Variants in ARMH3 observed in about 807,000 individuals in gnomAD.
ARMH3 encodes the protein armadillo-like helical domain-containing protein 3.
Under a neutral mutation model 99.1 loss-of-function variants are expected in ARMH3, and 60 were observed. The observed-to-expected ratio is 0.61, with a 90% CI of 0.49 to 0.75. The LOEUF is 0.75. ARMH3 is among the 30% of genes least tolerant of loss of function. The pLI is 0.00. For synonymous variants in ARMH3, 285 were observed against 292.8 expected (o/e 0.97, Z 0.27); for missense variants, 679 against 843.1 (o/e 0.81, Z 2.41).
chr10:102,002,136 A>G, intron 14 of ARMH3, 64 bp from the exon 15 acceptor site: 1 of 1,585,832 alleles, frequency 6.3e-7, no homozygotes, highest in Non-Finnish European at 8.5e-7. Flanking sequence ...TTCTACCCAC[A>G]TAGCCAATTT....
chr10:102,049,535 C>T (rs1183603230), intron 1 of ARMH3, among the ~76,000 whole-genome samples: 2 of 149,950 alleles, frequency 1.3e-5, no homozygotes, highest in Non-Finnish European at 3.0e-5. Flanking sequence ...GAGCGAGACT[C>T]TGTTTCCAAA....
chr10:101,859,725 G>A (rs76914046), intron 24 of ARMH3, among the ~76,000 whole-genome samples: 11 of 152,272 alleles, frequency 7.2e-5, no homozygotes, highest in Non-Finnish European at 1.3e-4. Context: ...GAGCAGCCAG[G>A]TTCAAAGAGT....
At chr10:101,943,676 A>C (rs1365798810) in intron 22 of ARMH3, among the ~76,000 whole-genome samples, 1 of 152,216 alleles carries the variant, frequency 6.6e-6, no homozygotes, top group Non-Finnish European at 1.5e-5. Context: ...AAGAAACAAA[A>C]AAATATACGA....
chr10:101,925,681 G>A (rs943158331), intron 23 of ARMH3, among the ~76,000 whole-genome samples: 10 of 152,110 alleles, frequency 6.6e-5, no homozygotes, highest in African/African-American at 1.9e-4. Flanking sequence ...GGTCAAGGCG[G>A]GCAGATCACC....
chr10:102,045,716 TAC>T (rs1238886149), intron 1 of ARMH3, among the ~76,000 whole-genome samples: 13 of 152,274 alleles, frequency 8.5e-5, no homozygotes, highest in Non-Finnish European at 1.8e-4. Context: ...ACAATTATGA[TAC>T]AGTCATACAA....
rs766867083 is a variant in ARMH3 at position 101,889,407 on chromosome 10, C to T, written c.1860+5G>A. Reference sequence around the variant, plus strand: ...CTAGGTCATCTGGGGAAAGTAGTGGCTTACCTGCTCCTCTGACAGTTGGGA... The same window carrying T: ...CTAGGTCATCTGGGGAAAGTAGTGGTTTACCTGCTCCTCTGACAGTTGGGA... On this transcript the variant is annotated splice_donor_5th_base_variant and intron_variant, in intron 24 of 25. Coordinates refer to ENST00000370033, the MANE Select transcript of ARMH3 (RefSeq NM_024541.3). The T allele has an allele frequency of 6.2e-7, 1 of 1,611,742 alleles. No individual in the cohort carries two copies. The highest frequency in any genetic ancestry group is 1.7e-5 in the Admixed American group (1 of 60,018).
At chr10:101,995,400 A>C in intron 15 of ARMH3, 45 bp from the exon 16 acceptor site, 1 of 1,500,132 alleles carries the variant, frequency 6.7e-7, no homozygotes, top group Non-Finnish European at 9.3e-7. Context: ...ATCCAGATTT[A>C]CATCATCTGT....
At chr10:101,985,246 G>GTGTGTATATATA (rs1252378129) in intron 19 of ARMH3, among the ~76,000 whole-genome samples, 4 of 145,914 alleles carry the variant, frequency 2.7e-5, no homozygotes, top group African/African-American at 1.0e-4. Context: ...GTATATATAC[G>GTGTGTATATATA]TGTGTATATA....
At chr10:102,046,226 A>G (rs2067545686) in intron 1 of ARMH3, among the ~76,000 whole-genome samples, 1 of 152,082 alleles carries the variant, frequency 6.6e-6, no homozygotes, top group Non-Finnish European at 1.5e-5. Flanking sequence ...GAAAGTTTAC[A>G]ATGAGAAAAC....
chr10:102,033,375 G>A (rs766619788), intron 2 of ARMH3, 36 bp from the exon 3 acceptor site: 2 of 1,593,882 alleles, frequency 1.3e-6, no homozygotes, highest in Non-Finnish European at 1.7e-6. Context: ...AGCCTTCCCA[G>A]CTAACACCAA....
intron 13 of ARMH3, among the ~76,000 whole-genome samples, chr10:102,009,122 T>C (rs570620915): frequency 2.7e-4 from 41 of 152,282 alleles, no homozygotes; most frequent in African/African-American, 9.1e-4. Context: ...TGACAATTCA[T>C]TTGGGTTAAC....
chr10:101,974,357 T>C (rs973248240), intron 20 of ARMH3, among the ~76,000 whole-genome samples: 1 of 152,224 alleles, frequency 6.6e-6, no homozygotes, highest in Non-Finnish European at 1.5e-5. Context: ...TAACACACCC[T>C]ATTCTGCTGA....
chr10:101,979,543 C>G (rs372932134), intron 19 of ARMH3, among the ~76,000 whole-genome samples: 2 of 152,042 alleles, frequency 1.3e-5, no homozygotes, highest in South Asian at 2.1e-4. Flanking sequence ...TTTCTTTATG[C>G]AAGGGTCGAT....
chr10:101,902,026 T>C (rs1353195782), intron 23 of ARMH3, among the ~76,000 whole-genome samples: 1 of 152,152 alleles, frequency 6.6e-6, no homozygotes, highest in Non-Finnish European at 1.5e-5. Context: ...GCTAACAGGG[T>C]CAGATTTGTT....
Position 101,956,598 on chromosome 10 carries a change from C to A in ARMH3, c.1704G>T (p.Met568Ile). ...GAGTAAAAAGAAAAGGCAGCTTACC[C>A]ATGGAGTAGAGGTTGTCAAAGCTCT... ...MHQSFDNLYSMVLRLSTNAGQ... is the reference protein window; with the variant it reads ...MHQSFDNLYSIVLRLSTNAGQ... Residue 568 changes from methionine to isoleucine, a missense_variant and splice_region_variant, in exon 22 of 26, where the codon ATG becomes ATT. Physicochemically the swap from Met to Ile is conservative, Grantham distance 10. This residue lies in a region of ARMH3 where 389 missense variants were observed against 456.5 expected (regional missense o/e 0.85). Coordinates refer to ENST00000370033, the MANE Select transcript of ARMH3 (RefSeq NM_024541.3). 6.2e-7 allele frequency: 1 copy of A among 1,611,976 alleles called. No individual in the cohort carries two copies.
chr10:102,031,749 T>C (rs76437343), intron 4 of ARMH3, among the ~76,000 whole-genome samples: 5 of 151,884 alleles, frequency 3.3e-5, no homozygotes, highest in Admixed American at 3.3e-4. Flanking sequence ...TTCATATTCT[T>C]TTTTTTTTGA....
intron 24 of ARMH3, among the ~76,000 whole-genome samples, chr10:101,883,575 C>A (rs1416376385): frequency 6.6e-6 from 1 of 152,082 alleles, no homozygotes; most frequent in Non-Finnish European, 1.5e-5. Context: ...ATCCTCAAAG[C>A]ATCCAAACCC....
At chr10:101,864,084 C>T (rs1460525899) in intron 24 of ARMH3, among the ~76,000 whole-genome samples, 4 of 142,598 alleles carry the variant, frequency 2.8e-5, no homozygotes, top group African/African-American at 1.1e-4. Flanking sequence ...AAAAAACACA[C>T]ACACACACAC....
intron 17 of ARMH3, 21 bp from the exon 18 acceptor site, chr10:101,992,059 G>A (rs1378912954): frequency 6.2e-7 from 1 of 1,607,362 alleles, no homozygotes; most frequent in Non-Finnish European, 8.5e-7. Flanking sequence ...AAAAAATGAA[G>A]AAAGGAAATT....
Sources: allele counts gnomAD v4.1 joint callset (sites outside exome capture counted in the v4.1 genomes callset), GRCh38; gene constraint gnomAD v4.1.1; regional missense constraint gnomAD v4.1.1; transcripts MANE v1.5; gene names NCBI Gene and HGNC (gene_info 2026-07-23, HGNC 2026-07-21).